Variants in MYO10 observed in about 807,000 individuals in gnomAD.
MYO10 encodes unconventional myosin-X.
Under a neutral mutation model 257.3 loss-of-function variants are expected in MYO10, and 133 were observed. The ratio of observed to expected loss-of-function variants is 0.52; its 90% CI spans 0.45 to 0.60. The LOEUF is 0.60. MYO10 is among the 20% of genes least tolerant of loss of function. The pLI is 0.00. For synonymous variants in MYO10, 1,104 were observed against 1,028.6 expected, an observed-to-expected ratio of 1.07 and a Z score of -1.40; for missense variants, 2,399 against 2,635.7, an observed-to-expected ratio of 0.91 and a Z score of 1.97.
At chr5:16,923,632 G>T (rs1746050130) in intron 1 of MYO10, among the ~76,000 whole-genome samples, 1 of 149,246 alleles carries the variant, frequency 6.7e-6, no homozygotes, top group Non-Finnish European at 1.5e-5. Context: ...GATTTCCTAG[G>T]TTAATAAATA....
At chr5:16,683,373 A>G (rs965760671) in intron 30 of MYO10, among the ~76,000 whole-genome samples, 1 of 152,200 alleles carries the variant, frequency 6.6e-6, no homozygotes, top group Non-Finnish European at 1.5e-5. Context: ...GATCATCTCC[A>G]AAGATGATTT....
At chr5:16,846,638 GTCA>G (rs1353890004) in intron 2 of MYO10, among the ~76,000 whole-genome samples, 4 of 152,176 alleles carry the variant, frequency 2.6e-5, no homozygotes, top group Non-Finnish European at 4.4e-5. Context: ...GGTGGGAAAG[GTCA>G]TCATCATCGT....
chr5:16,778,378 G>A (rs556231740), intron 9 of MYO10, among the ~76,000 whole-genome samples: 6 of 152,272 alleles, frequency 3.9e-5, no homozygotes, highest in Admixed American at 2.0e-4. Context: ...AAGCCACGAG[G>A]GCTGGATGAT....
chr5:16,694,315 C>T, intron 27 of MYO10, 56 bp downstream of exon 27: 1 of 1,607,332 alleles, frequency 6.2e-7, no homozygotes, highest in Non-Finnish European at 8.5e-7. Context: ...GGCTCTATGA[C>T]CACCAGCATA....
At chr5:16,885,907 C>A (rs767743803) in intron 1 of MYO10, among the ~76,000 whole-genome samples, 7 of 152,210 alleles carry the variant, frequency 4.6e-5, no homozygotes, top group Admixed American at 1.3e-4. Flanking sequence ...AGTCCCCAAG[C>A]ATCCCTGGAC....
Position 16,705,717 on chromosome 5 carries a change from T to A in MYO10, c.2170-1032A>T, listed in dbSNP as rs1239124108. 2.1e-4 allele frequency among the ~76,000 whole-genome samples: 32 copies of A among 152,068 alleles called. 1 individual carries two copies. Among genetic ancestry groups the A allele is most frequent in the Admixed American group, 2.1e-3 (32 of 15,270 alleles). On this transcript the variant is annotated intron_variant, in intron 21 of 40. Coordinates refer to ENST00000513610, the MANE Select transcript of MYO10 (RefSeq NM_012334.3). ...ATTTTTCCAGGTTCTCTGCTCTGTG[T>A]CCTCCATGACATTTGGGCAAAAAAG...
chr5:16,893,162 A>C (rs1745113103), intron 1 of MYO10, among the ~76,000 whole-genome samples: 1 of 128,032 alleles, frequency 7.8e-6, no homozygotes, highest in Non-Finnish European at 1.6e-5. Flanking sequence ...GCGCCACTGC[A>C]CTCCAGCCTG....
At chr5:16,787,706 A>G (rs927794489) in intron 4 of MYO10, among the ~76,000 whole-genome samples, 6 of 152,106 alleles carry the variant, frequency 3.9e-5, no homozygotes, top group Non-Finnish European at 1.5e-5. Flanking sequence ...GCTGTATTAA[A>G]AATTGTGAGA....
Position 16,665,981 on chromosome 5 carries a change from T to C in MYO10, c.*711A>G, listed in dbSNP as rs1020613491. Reference sequence around the variant, plus strand: ...CCTTATAAAGTAACAATTGAGACTATAGCTCTGCATTATTAAAATATACAG... The same window carrying C: ...CCTTATAAAGTAACAATTGAGACTACAGCTCTGCATTATTAAAATATACAG... On this transcript the variant is annotated 3_prime_UTR_variant, in exon 41 of 41. Coordinates refer to ENST00000513610, the MANE Select transcript of MYO10 (RefSeq NM_012334.3). 4.6e-5 allele frequency: 7 copies of C among 152,666 alleles called. No homozygotes were observed. The highest frequency in any genetic ancestry group is 8.8e-5 in the Non-Finnish European group (6 of 68,042). The allele number at this position is 152,666 out of a possible 1,614,324, so 9.5% of individuals were successfully genotyped here.
At chr5:16,834,935 G>A (rs1743266787) in intron 2 of MYO10, among the ~76,000 whole-genome samples, 1 of 152,200 alleles carries the variant, frequency 6.6e-6, no homozygotes, top group South Asian at 2.1e-4. Context: ...CAACACTTTG[G>A]GAGGCCGAGG....
chr5:16,787,322 A>T (rs891400741), intron 4 of MYO10, among the ~76,000 whole-genome samples: 4 of 152,192 alleles, frequency 2.6e-5, no homozygotes. Context: ...TACAAACAAC[A>T]GGGCAAAGAA....
intron 1 of MYO10, among the ~76,000 whole-genome samples, chr5:16,887,334 C>A (rs28499310): frequency 2.4e-4 from 37 of 152,272 alleles, no homozygotes; most frequent in African/African-American, 8.4e-4. Context: ...GGAAAAGATA[C>A]AAAGATTCAC....
intron 1 of MYO10, among the ~76,000 whole-genome samples, chr5:16,908,613 T>C (rs1223777609): frequency 6.6e-6 from 1 of 152,140 alleles, no homozygotes; most frequent in Non-Finnish European, 1.5e-5. Context: ...ATGACACTAA[T>C]AAAAACAGAT....
chr5:16,734,451 G>A (rs780554048), intron 19 of MYO10, among the ~76,000 whole-genome samples: 12 of 152,106 alleles, frequency 7.9e-5, no homozygotes, highest in South Asian at 2.1e-4. Flanking sequence ...GAGAAGAAAC[G>A]AACACACCTG....
chr5:16,897,129 T>C (rs1043673136), intron 1 of MYO10, among the ~76,000 whole-genome samples: 1 of 152,156 alleles, frequency 6.6e-6, no homozygotes, highest in African/African-American at 2.4e-5. Context: ...GTGGCTATGA[T>C]TTATTCCAAT....
chr5:16,769,478 G>T (rs1163811562), intron 9 of MYO10, among the ~76,000 whole-genome samples: 2 of 152,152 alleles, frequency 1.3e-5, no homozygotes, highest in Non-Finnish European at 2.9e-5. Flanking sequence ...GGGATTACAG[G>T]TGTGTGCCAC....
chr5:16,725,647 C>T (rs1008312010), intron 19 of MYO10, among the ~76,000 whole-genome samples: 1 of 152,176 alleles, frequency 6.6e-6, no homozygotes, highest in African/African-American at 2.4e-5. Context: ...AAGTACTTTA[C>T]CTACAATTTG....
rs147416019 is a variant in MYO10 at position 16,691,825 on chromosome 5, C to T, written c.3801-1906G>A. 9.6e-3 allele frequency among the ~76,000 whole-genome samples: 1,467 copies of T among 152,188 alleles called. 17 individuals carry two copies. Among genetic ancestry groups the T allele is most frequent in the African/African-American group, 0.032 (1,331 of 41,508 alleles). ...GAAGCACTCTTAAACAGAAAGAAAA[C>T]CTGAACTCGATCACTCTCTAGGTCT... On this transcript the variant is annotated intron_variant, in intron 27 of 40. Coordinates refer to ENST00000513610, the MANE Select transcript of MYO10 (RefSeq NM_012334.3).
At position 16,681,334 on chromosome 5, in the gene MYO10, T is replaced by C; in HGVS notation, c.4359A>G (p.Pro1453=). The change falls in exon 32 of 41, where the codon CCA becomes CCG. Residue 1453 remains proline, a synonymous_variant. Transcript: ENST00000513610. ...VLNSLCSVVP[P]DEKIFKETGY... ...CTGTCTCTTTGAATATCTTCTCATC[T>C]GGGGGGACGACAGAGCAGAGGCTGT... The C allele has an allele frequency of 6.2e-7, 1 of 1,612,476 alleles. No homozygotes were observed.
Sources: gnomAD v4.1 joint callset for allele counts (sites outside exome capture counted in the v4.1 genomes callset) on GRCh38, gnomAD v4.1.1 for gene constraint, MANE v1.5 for transcripts, NCBI Gene and HGNC (gene_info 2026-07-23, HGNC 2026-07-21) for gene names.